The following MRPS28 variants were observed in gnomAD, a reference collection of about 807,000 sequenced individuals.
MRPS28 encodes small ribosomal subunit protein bS1m.
In MRPS28, 7 loss-of-function variants were observed where a neutral mutation model predicts 10.8. That is an observed-to-expected ratio of 0.65 (90% CI 0.37 to 1.22). The LOEUF is 1.22. MRPS28 is among the 50% of genes most tolerant of loss of function. MRPS28 has a pLI of 0.02. For synonymous variants in MRPS28, 121 were observed against 93.3 expected, an observed-to-expected ratio of 1.30 and a Z score of -1.71; for missense variants, 265 against 232.9, an observed-to-expected ratio of 1.14 and a Z score of -0.90.
intron 2 of MRPS28, among the ~76,000 whole-genome samples, chr8:79,932,809 T>C (rs1315075903): frequency 6.6e-6 from 1 of 152,210 alleles, no homozygotes; most frequent in African/African-American, 2.4e-5. Flanking sequence ...ACACCACTGA[T>C]AAAGCTGTCT....
chr8:79,985,866 A>G (rs1346160448), intron 2 of MRPS28, among the ~76,000 whole-genome samples: 4 of 152,104 alleles, frequency 2.6e-5, no homozygotes, highest in Non-Finnish European at 5.9e-5. Context: ...AACTGGTACC[A>G]TTCCTTCTGA....
At chr8:79,952,219 G>A (rs1390144655) in intron 2 of MRPS28, among the ~76,000 whole-genome samples, 1 of 152,056 alleles carries the variant, frequency 6.6e-6, no homozygotes, top group Non-Finnish European at 1.5e-5. Context: ...ATTTTCAGTT[G>A]TTTCCTTGAT....
At chr8:79,980,310 T>C (rs1807921327) in intron 2 of MRPS28, among the ~76,000 whole-genome samples, 1 of 152,162 alleles carries the variant, frequency 6.6e-6, no homozygotes, top group East Asian at 1.9e-4. Context: ...AATCCAGAAA[T>C]CTTTCCAAGG....
rs546890363 is a variant in MRPS28 at position 79,934,938 on chromosome 8, T to C, written c.396-15790A>G. On this transcript the variant is annotated intron_variant, in intron 2 of 2. Transcript: ENST00000276585. ...ACAGTCACAAACTCTTTTGTTGAATTACATTAAATAAATTGGTTGTTAAAA... is the reference window on the plus strand; with the variant it reads ...ACAGTCACAAACTCTTTTGTTGAATCACATTAAATAAATTGGTTGTTAAAA... Among the ~76,000 whole-genome samples the C allele has an allele frequency of 3.0e-3, 461 of 152,366 alleles. 4 individuals carry two copies. Among genetic ancestry groups the C allele is most frequent in the Middle Eastern group, 6.8e-3 (2 of 294 alleles).
At chr8:80,021,641 G>T (rs1208617851) in intron 1 of MRPS28, among the ~76,000 whole-genome samples, 1 of 152,104 alleles carries the variant, frequency 6.6e-6, no homozygotes, top group Non-Finnish European at 1.5e-5. Flanking sequence ...GATTTTTCTG[G>T]TATTCTACAC....
intron 1 of MRPS28, among the ~76,000 whole-genome samples, chr8:80,019,270 C>T (rs1809289759): frequency 6.7e-6 from 1 of 149,360 alleles, no homozygotes; most frequent in Non-Finnish European, 1.5e-5. Flanking sequence ...GTGATTATTA[C>T]ATGTTATATG....
chr8:80,027,893 C>A (rs1809531073), intron 1 of MRPS28, among the ~76,000 whole-genome samples: 1 of 152,124 alleles, frequency 6.6e-6, no homozygotes. Context: ...AGACGGAGAA[C>A]AACCACGCAG....
In MRPS28 at chr8:79,995,981, T is replaced by C. The variant is rs751498968; in HGVS notation, c.395+7018A>G. ...GCAGAACTGGAGGGTTATATGGTTA[T>C]GCAGCAATAATTCTGTATATTTTTA... On this transcript the variant is annotated intron_variant, in intron 2 of 2. Coordinates refer to ENST00000276585, the MANE Select transcript of MRPS28 (RefSeq NM_014018.3). Among the ~76,000 whole-genome samples the C allele has an allele frequency of 5.3e-5, 8 of 152,196 alleles. No homozygotes were observed. The South Asian group carries it at 1.5e-3, about 28-fold the overall frequency.
At chr8:79,966,392 C>G (rs1255514735) in intron 2 of MRPS28, among the ~76,000 whole-genome samples, 1 of 152,012 alleles carries the variant, frequency 6.6e-6, no homozygotes, top group Non-Finnish European at 1.5e-5. Context: ...GCAGCAAAGA[C>G]AAATCCACCA....
chr8:79,973,839 T>TAAAA (rs11449920), intron 2 of MRPS28, among the ~76,000 whole-genome samples: 34 of 136,112 alleles, frequency 2.5e-4, no homozygotes, highest in African/African-American at 8.5e-4. Context: ...AATAAATTAA[T>TAAAA]AAAAAAAAAA....
At chr8:79,985,343 C>A (rs143562560) in intron 2 of MRPS28, among the ~76,000 whole-genome samples, 3,487 of 152,194 alleles carry the variant, frequency 0.023, 132 homozygotes, top group African/African-American at 0.079. Flanking sequence ...AAAATGGACA[C>A]CCTAACATCA....
At chr8:80,018,613 A>C (rs1339837051) in intron 1 of MRPS28, among the ~76,000 whole-genome samples, 1 of 152,204 alleles carries the variant, frequency 6.6e-6, no homozygotes, top group Non-Finnish European at 1.5e-5. Context: ...CTAAAAATAG[A>C]GCCACCATAT....
chr8:79,945,439 T>TG (rs1366009376), intron 2 of MRPS28, among the ~76,000 whole-genome samples: 1 of 152,154 alleles, frequency 6.6e-6, no homozygotes, highest in African/African-American at 2.4e-5. Flanking sequence ...CAAATCACAT[T>TG]GGGAAAACTG....
In MRPS28 at chr8:79,919,993, A is replaced by G. The variant is rs543303005; in HGVS notation, c.396-845T>C. On this transcript the variant is annotated intron_variant, in intron 2 of 2. Coordinates refer to ENST00000276585, the MANE Select transcript of MRPS28 (RefSeq NM_014018.3). Reference sequence around the variant, plus strand: ...GTGTGATGTTCCCCTTCCTGTGTCCATGTGTTCTCATTGTTCAGTTCCCAC... The same window carrying G: ...GTGTGATGTTCCCCTTCCTGTGTCCGTGTGTTCTCATTGTTCAGTTCCCAC... 4.9e-5 allele frequency among the ~76,000 whole-genome samples: 6 copies of G among 123,422 alleles called. No individual in the cohort carries two copies. The East Asian group carries it at 1.5e-3, about 30-fold the overall frequency. 81.0% of individuals were successfully genotyped at this position (123,422 alleles called of 152,430 possible).
chr8:79,974,339 G>A (rs1441945155), intron 2 of MRPS28, among the ~76,000 whole-genome samples: 2 of 152,068 alleles, frequency 1.3e-5, no homozygotes, highest in African/African-American at 4.8e-5. Context: ...AGGAGATCAA[G>A]ACCATCCTGG....
chr8:79,985,033 C>T (rs916010096), intron 2 of MRPS28, among the ~76,000 whole-genome samples: 2 of 152,146 alleles, frequency 1.3e-5, no homozygotes, highest in African/African-American at 4.8e-5. Flanking sequence ...AAGTAAAGCT[C>T]TCCTCAGCAA....
intron 2 of MRPS28, among the ~76,000 whole-genome samples, chr8:79,925,446 C>A (rs1242580497): frequency 6.6e-6 from 1 of 152,144 alleles, no homozygotes; most frequent in Non-Finnish European, 1.5e-5. Context: ...TAAAATTCTA[C>A]TATGAATATA....
chr8:79,939,052 A>C (rs1806685750), intron 2 of MRPS28, among the ~76,000 whole-genome samples: 1 of 152,228 alleles, frequency 6.6e-6, no homozygotes, highest in African/African-American at 2.4e-5. Flanking sequence ...AGAGATACCT[A>C]CTGAAAGATC....
chr8:79,924,715 C>A (rs1010242181), intron 2 of MRPS28, among the ~76,000 whole-genome samples: 1 of 152,168 alleles, frequency 6.6e-6, no homozygotes, highest in Non-Finnish European at 1.5e-5. Flanking sequence ...ATTCAATTAA[C>A]AAATGAATCT....
Sources: gnomAD v4.1 joint callset for allele counts (sites outside exome capture counted in the v4.1 genomes callset) on GRCh38, gnomAD v4.1.1 for gene constraint, MANE v1.5 for transcripts, NCBI Gene and HGNC (gene_info 2026-07-23, HGNC 2026-07-21) for gene names.